The following PPFIA4 variants were observed in gnomAD, a reference collection of about 807,000 sequenced individuals.
PPFIA4 encodes PPFI scaffold protein A4, also known as liprin-alpha-4.
A neutral mutation model predicts 145.7 loss-of-function variants in PPFIA4; 98 were observed. The observed-to-expected ratio is 0.67, with a 90% CI of 0.57 to 0.80. The LOEUF is 0.80. Among genes scored for constraint, PPFIA4 ranks in the 30% least tolerant of loss-of-function variants. PPFIA4 has a pLI of 0.00. For missense variants in PPFIA4, 1,457 were observed against 1,632.7 expected, an observed-to-expected ratio of 0.89 and a Z score of 1.85; for synonymous variants, 628 against 649.6, an observed-to-expected ratio of 0.97 and a Z score of 0.51.
At chr1:203,050,101 T>C (rs705758) in intron 13 of PPFIA4, among the ~76,000 whole-genome samples, 146,672 of 152,314 alleles carry the variant, frequency 0.96, 70,870 homozygotes, top group East Asian at 1. Context: ...AGCCATGTCC[T>C]ACAGGGCCCA....
rs7547566 is a variant in PPFIA4 at position 203,043,577 on chromosome 1, C to G, written c.336+79C>G. The G allele has an allele frequency of 0.49, 645,216 of 1,312,662 alleles. 163,960 individuals are homozygous for G. The highest frequency in any genetic ancestry group is 0.52 in the Non-Finnish European group (486,892 of 933,032). 81.3% of individuals were successfully genotyped at this position (1,312,662 alleles called of 1,614,324 possible). A position where few individuals can be genotyped will look rare whatever the true frequency, so the allele number is the denominator to read the frequency against. ...GGGGGTGTGTTGTGAACACCTTGAC[C>G]AAGAGAGCAGGCAAGAGTGGGGCCA... is the stretch of plus-strand genomic sequence containing the variant. On this transcript the variant is annotated intron_variant, in intron 3 of 29. Transcript: ENST00000295706. This position sits in a 1 kb window ranked among gnomAD's most constrained non-coding sequence, Gnocchi z 4.4.
intron 20 of PPFIA4, 50 bp downstream of exon 20, chr1:203,059,321 C>G: frequency 2.9e-6 from 4 of 1,399,258 alleles, no homozygotes; most frequent in Non-Finnish European, 4.0e-6. Flanking sequence ...GCCCCCTACC[C>G]ACTTCCCTTC....
intron 29 of PPFIA4, 36 bp from the exon 30 acceptor site, chr1:203,076,305 C>A: frequency 6.3e-7 from 1 of 1,593,522 alleles, no homozygotes; most frequent in Non-Finnish European, 8.5e-7. Context: ...TGCAACCTGC[C>A]TCACAGTGCG....
rs1349733017 is a variant in PPFIA4, at chr1:203,041,419, T to C, written c.235-1978T>C. 2.0e-5 allele frequency among the ~76,000 whole-genome samples: 3 copies of C among 152,150 alleles called. No individual in the cohort carries two copies. The East Asian group carries it at 5.8e-4, about 29-fold the overall frequency. ...TCAGCCTGGGCAATGTGGCAAAACC[T>C]CATCTCTACAAAAATCCCCAAAATT... On this transcript the variant is annotated intron_variant, in intron 2 of 29. Coordinates refer to ENST00000295706, the MANE Select transcript of PPFIA4 (RefSeq NM_001304331.2).
chr1:203,049,817 C>T (rs760788730), intron 13 of PPFIA4, 50 bp downstream of exon 13: 16 of 1,420,844 alleles, frequency 1.1e-5, no homozygotes, highest in South Asian at 6.0e-5. Context: ...CCTGATGGAC[C>T]GTGAGGAAGG....
In PPFIA4 at chr1:203,034,757, C is replaced by T. The variant is rs951834474; in HGVS notation, c.-399-3853C>T. The T allele has an allele frequency of 6.6e-6, 3 of 455,168 alleles. No individual in the cohort carries two copies. In the Admixed American group the frequency reaches 7.1e-5, roughly 11 times the overall value. The allele number at this position is 455,168 out of a possible 1,614,324, so 28.2% of individuals were successfully genotyped here. ...AGGGAAGGCCGAGGGGAGCTGTCCT[C>T]CGGCTGCCATCACCCTGATGAGGGT... On this transcript the variant is annotated intron_variant, in intron 1 of 29. Coordinates refer to ENST00000295706, the MANE Select transcript of PPFIA4 (RefSeq NM_001304331.2).
At position 203,045,828 on chromosome 1, in the gene PPFIA4, CCT is replaced by C; in HGVS notation, c.859-10_859-9del. 6.2e-7 allele frequency: 1 copy of C among 1,612,800 alleles called. No individual in the cohort carries two copies. The highest frequency in any genetic ancestry group is 1.1e-5 in the South Asian group (1 of 91,072). On this transcript the variant is annotated splice_polypyrimidine_tract_variant and intron_variant, in intron 7 of 29. Transcript: ENST00000295706. ...AGGCTGGTTACCGTCCTTCTTGTCC[CCT>C]CTTCTCCCAGGCTCTGGCCCAGAAG...
At chr1:203,032,555 CTGAG>C (rs1439133256) in intron 1 of PPFIA4, among the ~76,000 whole-genome samples, 1 of 151,622 alleles carries the variant, frequency 6.6e-6, no homozygotes, top group Non-Finnish European at 1.5e-5. Flanking sequence ...CTTCAGCCTC[CTGAG>C]TAACTGGGAC....
At chr1:203,067,894 C>CCTTTT in intron 26 of PPFIA4, 102 bp downstream of exon 26, 1 of 1,014,584 alleles carries the variant, frequency 9.9e-7, no homozygotes, top group Non-Finnish European at 1.5e-6. Flanking sequence ...AGGGAATCTT[C>CCTTTT]CAGTCTGAAA....
In PPFIA4 at chr1:203,076,348, C is replaced by T. The variant is rs753733530; in HGVS notation, c.3582C>T (p.Ser1194=). The T allele has an allele frequency of 8.7e-6, 14 of 1,606,302 alleles. No individual in the cohort carries two copies. The highest frequency in any genetic ancestry group is 1.2e-5 in the Non-Finnish European group (14 of 1,179,768). ...TCTCTCTCTCTCCCTCAGCTCACTC[C>T]CACTATCTCTACGGACACATGCTCT... is the stretch of plus-strand genomic sequence containing the variant. ...PPKKIMPEAH[S]HYLYGHMLSA... is the part of the protein sequence containing the mutation. The change falls in exon 30 of 30, where the codon TCC becomes TCT. Residue 1194 remains serine (S), a synonymous_variant. Transcript: ENST00000295706.
At chr1:203,037,215 C>T (rs769528486) in intron 1 of PPFIA4, 6 of 354,666 alleles carry the variant, frequency 1.7e-5, no homozygotes, top group Non-Finnish European at 2.4e-5. Flanking sequence ...AGGAGAGGCC[C>T]GGCCCTTCTC....
chr1:203,034,130 G>A (rs1456436769), intron 1 of PPFIA4, among the ~76,000 whole-genome samples: 1 of 152,186 alleles, frequency 6.6e-6, no homozygotes, highest in Non-Finnish European at 1.5e-5. Flanking sequence ...TCAGCGGAAG[G>A]GCAGATCTCA....
Position 203,071,778 on chromosome 1 carries a change from A to T in PPFIA4, c.3393+18A>T. On this transcript the variant is annotated intron_variant, in intron 28 of 29. Coordinates refer to ENST00000295706, the MANE Select transcript of PPFIA4 (RefSeq NM_001304331.2). ...TGGATGACGTGAGTACCTGGCCATG[A>T]ATTAGGAGCCTTGGGGATTTGGTCA... The T allele has an allele frequency of 6.3e-7, 1 of 1,595,716 alleles. No homozygotes were observed. Among genetic ancestry groups the T allele is most frequent in the Non-Finnish European group, 8.6e-7 (1 of 1,164,986 alleles).
intron 21 of PPFIA4, 148 bp downstream of exon 21, chr1:203,059,999 C>G: frequency 1.3e-6 from 1 of 788,068 alleles, no homozygotes; most frequent in Non-Finnish European, 2.1e-6. Flanking sequence ...CCCCCTCCCC[C>G]TCCCCAACAC....
chr1:203,049,519 T>G (rs1660339744), intron 12 of PPFIA4, among the ~76,000 whole-genome samples, 157 bp from the exon 13 acceptor site: 1 of 152,206 alleles, frequency 6.6e-6, no homozygotes, highest in Admixed American at 6.5e-5. Flanking sequence ...GTGTCATCTG[T>G]GGGCCTGGCC....
At chr1:203,059,996 C>T in intron 21 of PPFIA4, 145 bp downstream of exon 21, 1 of 799,690 alleles carries the variant, frequency 1.3e-6, no homozygotes, top group Non-Finnish European at 2.1e-6. Flanking sequence ...AGCCCCCCTC[C>T]CCCTCCCCAA....
At chr1:203,034,397 G>C (rs892403170) in intron 1 of PPFIA4, 3 of 452,948 alleles carry the variant, frequency 6.6e-6, no homozygotes, top group Non-Finnish European at 1.3e-5. Flanking sequence ...CAGGCTTCTG[G>C]GGGTACAAAG....
rs564468686 is a variant in PPFIA4, at chr1:203,059,114, C to T, written c.2408-64C>T. The T allele has an allele frequency of 6.0e-6, 8 of 1,326,800 alleles. No individual in the cohort carries two copies. The South Asian group carries it at 1.0e-4, about 17-fold the overall frequency. 82.2% of individuals were successfully genotyped at this position (1,326,800 alleles called of 1,614,324 possible). ...CCTCCTGCTGCTTCTGTTCCCCACC[C>T]CTGATCCAGGCAAGGGAGGAGAGGC... On this transcript the variant is annotated intron_variant, in intron 19 of 29. Coordinates refer to ENST00000295706, the MANE Select transcript of PPFIA4 (RefSeq NM_001304331.2).
Position 203,045,936 on chromosome 1 carries a change from C to T in PPFIA4, c.954C>T (p.Leu318=). 1.9e-6 allele frequency: 3 copies of T among 1,612,814 alleles called. No individual in the cohort carries two copies. The highest frequency in any genetic ancestry group is 2.5e-6 in the Non-Finnish European group (3 of 1,179,870). ...GTGAGGCAACATCCATCCATGACCT[C>T]AATGACAAGCTGGAGAATGAGCTGG... ...AQREATSIHD[L]NDKLENELAN... is the part of the protein sequence containing the mutation. The change falls in exon 8 of 30, where the codon CTC becomes CTT. Residue 318 remains leucine (L), a synonymous_variant. Transcript: ENST00000295706.
Sources: gnomAD v4.1 joint callset for allele counts (sites outside exome capture counted in the v4.1 genomes callset) on GRCh38, gnomAD v4.1.1 for gene constraint, Gnocchi (gnomAD v3.1) non-coding constraint, MANE v1.5 for transcripts, NCBI Gene and HGNC (gene_info 2026-07-23, HGNC 2026-07-21) for gene names.